SOHLH2: variants seen among roughly 807,000 people sequenced by gnomAD.
SOHLH2 encodes the protein spermatogenesis and oogenesis specific basic helix-loop-helix 2, also known as spermatogenesis- and oogenesis-specific basic helix-loop-helix-containing protein 2.
SOHLH2 carries 22 observed loss-of-function variants against 50.4 expected under a neutral mutation model. The ratio of observed to expected loss-of-function variants is 0.44; its 90% CI spans 0.31 to 0.62. The LOEUF (loss-of-function observed/expected upper bound fraction) is 0.62. Among genes scored for constraint, SOHLH2 ranks in the 20% least tolerant of loss-of-function variants. The pLI is 0.08. For synonymous variants in SOHLH2, 185 were observed against 187.3 expected, an observed-to-expected ratio of 0.99 and a Z score of 0.10; for missense variants, 412 against 504.4, an observed-to-expected ratio of 0.82 and a Z score of 1.76.
chr13:36,203,808 T>C lies in SOHLH2; in HGVS notation c.49-1715A>G, dbSNP rs1868577628. 2.0e-5 allele frequency among the ~76,000 whole-genome samples: 3 copies of C among 152,192 alleles called. No homozygotes were observed. The South Asian group carries it at 6.2e-4, about 31-fold the overall frequency. On this transcript the variant is annotated intron_variant, in intron 1 of 10. Coordinates refer to ENST00000379881, the MANE Select transcript of SOHLH2 (RefSeq NM_017826.3). ...TTTGCATTTTATTATCACATATTTA[T>C]CATGCATGCCCATTTACTCCCTTTG...
At chr13:36,199,344 T>C (rs959595470) in intron 2 of SOHLH2, among the ~76,000 whole-genome samples, 5 of 152,018 alleles carry the variant, frequency 3.3e-5, no homozygotes, top group African/African-American at 1.2e-4. Flanking sequence ...ACCAAACGAC[T>C]CTGTCCCCTT....
chr13:36,194,222 A>AAT (rs981693058), intron 2 of SOHLH2, among the ~76,000 whole-genome samples: 5 of 151,970 alleles, frequency 3.3e-5, no homozygotes, highest in Admixed American at 3.3e-4. Flanking sequence ...ACTCCTTTTA[A>AAT]ATATATATAT....
At chr13:36,190,883 G>A (rs1041710084) in intron 5 of SOHLH2, among the ~76,000 whole-genome samples, 1 of 152,082 alleles carries the variant, frequency 6.6e-6, no homozygotes, top group Non-Finnish European at 1.5e-5. Flanking sequence ...ATATCTCTGC[G>A]TTACCAAAGT....
intron 1 of SOHLH2, among the ~76,000 whole-genome samples, chr13:36,213,955 G>A (rs1435786456): frequency 6.6e-6 from 1 of 151,740 alleles, no homozygotes. Flanking sequence ...GCCCCAGAGT[G>A]CCTACTAAAT....
chr13:36,209,864 G>C (rs1593963919), intron 1 of SOHLH2, among the ~76,000 whole-genome samples: 1 of 152,208 alleles, frequency 6.6e-6, no homozygotes, highest in Admixed American at 6.5e-5. Flanking sequence ...TGTTTCCTCA[G>C]TGGGGGCCTC....
chr13:36,210,421 A>G (rs1453284541), intron 1 of SOHLH2, among the ~76,000 whole-genome samples: 2 of 151,948 alleles, frequency 1.3e-5, no homozygotes, highest in Non-Finnish European at 2.9e-5. Context: ...TGCTTTCTAA[A>G]TGTCACATTT....
intron 1 of SOHLH2, among the ~76,000 whole-genome samples, chr13:36,204,908 A>G (rs1566046466): frequency 6.6e-6 from 1 of 152,026 alleles, no homozygotes; most frequent in Non-Finnish European, 1.5e-5. Flanking sequence ...TGCATCTTAG[A>G]GAATTTGGGT....
Position 36,173,791 on chromosome 13 carries a change from T to A in SOHLH2, c.901A>T (p.Thr301Ser). 1 of 1,613,986 alleles carries A rather than the reference T, an allele frequency of 6.2e-7. No homozygotes were observed. The highest frequency in any genetic ancestry group is 1.1e-5 in the South Asian group (1 of 91,070). Residue 301 changes from threonine (T) to serine (S), a missense_variant, in exon 9 of 11, where the codon ACT becomes TCT. By Grantham distance (58) the Thr-to-Ser change is moderately conservative. Coordinates refer to ENST00000379881, the MANE Select transcript of SOHLH2 (RefSeq NM_017826.3). The stretch of plus-strand genomic sequence containing the variant: ...TGGAGCCCTCTCTCAGGGGAGTAAG[T>A]GCTCATCACACTGTTTTCCCTTGAA... ...MAQRENSVMSTYSPERGLQFL... is the reference protein window; with the variant it reads ...MAQRENSVMSSYSPERGLQFL...
intron 6 of SOHLH2, among the ~76,000 whole-genome samples, chr13:36,179,575 AT>A (rs923897382): frequency 1.3e-5 from 2 of 151,512 alleles, no homozygotes; most frequent in African/African-American, 4.9e-5. Flanking sequence ...AACCTGGCTA[AT>A]TTTTTTATTT....
chr13:36,213,136 C>T (rs1201796064), intron 1 of SOHLH2, among the ~76,000 whole-genome samples: 2 of 152,148 alleles, frequency 1.3e-5, no homozygotes, highest in Non-Finnish European at 2.9e-5. Flanking sequence ...TCTGGAGAAA[C>T]TGAGCAAGCG....
chr13:36,201,248 C>T (rs1868401895), intron 2 of SOHLH2, among the ~76,000 whole-genome samples: 1 of 151,718 alleles, frequency 6.6e-6, no homozygotes, highest in South Asian at 2.1e-4. Flanking sequence ...TCTGCCACTA[C>T]AATTAATGAA....
chr13:36,180,725 G>T (rs1887231577), intron 6 of SOHLH2, among the ~76,000 whole-genome samples: 1 of 149,608 alleles, frequency 6.7e-6, no homozygotes. Flanking sequence ...TTTCGTTGTG[G>T]TCAGGGAACA....
At chr13:36,173,397 G>A (rs1022874413) in intron 9 of SOHLH2, among the ~76,000 whole-genome samples, 4 of 152,158 alleles carry the variant, frequency 2.6e-5, no homozygotes, top group South Asian at 4.1e-4. Context: ...GAAATTATAC[G>A]AATACTTCCC....
chr13:36,198,324 CT>C (rs1887796597), intron 2 of SOHLH2, among the ~76,000 whole-genome samples: 2 of 152,176 alleles, frequency 1.3e-5, no homozygotes, highest in Non-Finnish European at 2.9e-5. Context: ...CTGTACCTGT[CT>C]TTGGAAGATA....
intron 1 of SOHLH2, 143 bp downstream of exon 1, chr13:36,214,334 AGG>A (rs1869304347): frequency 9.9e-7 from 1 of 1,005,048 alleles, no homozygotes; most frequent in Admixed American, 2.8e-5. Context: ...GCGTCCTGGA[AGG>A]GGCCCTTCCT....
intron 2 of SOHLH2, among the ~76,000 whole-genome samples, chr13:36,201,154 C>A (rs2149425): frequency 2.6e-5 from 4 of 151,540 alleles, no homozygotes; most frequent in Non-Finnish European, 4.4e-5. Flanking sequence ...CCCAGTGAAT[C>A]CAGAAGGCCC....
intron 6 of SOHLH2, 146 bp from the exon 7 acceptor site, chr13:36,175,015 C>A: frequency 8.0e-7 from 1 of 1,243,162 alleles, no homozygotes; most frequent in Non-Finnish European, 1.1e-6. Context: ...AGGCTGTGTC[C>A]CCACAAGCCA....
At chr13:36,204,747 T>C (rs547603118) in intron 1 of SOHLH2, among the ~76,000 whole-genome samples, 12 of 152,278 alleles carry the variant, frequency 7.9e-5, no homozygotes, top group South Asian at 2.1e-4. Context: ...TTCAATTCAG[T>C]TATTATATAT....
At chr13:36,212,488 G>A (rs1413605152) in intron 1 of SOHLH2, among the ~76,000 whole-genome samples, 1 of 152,096 alleles carries the variant, frequency 6.6e-6, no homozygotes, top group Non-Finnish European at 1.5e-5. Context: ...TATGAACACA[G>A]GCGATAAAAA....
Sources: allele counts gnomAD v4.1 joint callset (sites outside exome capture counted in the v4.1 genomes callset), GRCh38; gene constraint gnomAD v4.1.1; transcripts MANE v1.5; gene names NCBI Gene and HGNC (gene_info 2026-07-23, HGNC 2026-07-21).